MED23: variants seen among roughly 807,000 people sequenced by gnomAD.
MED23 encodes mediator of RNA polymerase II transcription subunit 23.
In MED23, 105 loss-of-function variants were observed where a neutral mutation model predicts 163.9. The ratio of observed to expected loss-of-function variants is 0.64; its 90% CI spans 0.55 to 0.75. The LOEUF is 0.75. Ranked by LOEUF, MED23 falls within the 30% of genes least tolerant of loss-of-function variation. MED23 has a pLI of 0.00. For synonymous variants in MED23, 561 were observed against 565.6 expected, an observed-to-expected ratio of 0.99 and a Z score of 0.12; for missense variants, 1,054 against 1,649.0, an observed-to-expected ratio of 0.64 and a Z score of 6.25.
intron 26 of MED23, among the ~76,000 whole-genome samples, chr6:131,590,744 G>T (rs1160918457): frequency 1.3e-5 from 2 of 150,404 alleles, no homozygotes; most frequent in African/African-American, 4.9e-5. Flanking sequence ...TTCTCCTGCT[G>T]ACTAGCTGGG....
At chr6:131,602,087 A>G in intron 17 of MED23, 131 bp downstream of exon 17, 1 of 965,044 alleles carries the variant, frequency 1.0e-6, no homozygotes, top group Non-Finnish European at 1.6e-6. Flanking sequence ...AATAGTGAAG[A>G]TATCAAAACA....
At position 131,602,293 on chromosome 6, in the gene MED23, T is replaced by C. The variant is rs764009300; in HGVS notation, c.2020A>G (p.Thr674Ala). ...TCTTCAGATTCTGCTGAGAGCACTG[T>C]TTTGGGATCACTAAGGAAGCGTGTA... ...QFTRFLSDPK[T>A]VLSAESEELN... The change falls in exon 17 of 29, where the codon ACA (threonine) becomes GCA (alanine). Residue 674 changes from threonine (T) to alanine (A), a missense_variant. By Grantham distance (58) the Thr-to-Ala change is moderately conservative. Around this residue, in one of 11 missense-constraint regions of MED23, gnomAD observed 228 missense variants for 461.3 expected, o/e 0.49. Coordinates refer to ENST00000368068, the MANE Select transcript of MED23 (RefSeq NM_004830.4). 1.9e-6 allele frequency: 3 copies of C among 1,613,902 alleles called. No homozygotes were observed. In the Admixed American group the frequency reaches 5.0e-5, roughly 27 times the overall value.
downstream of MED23, chr6:131,583,242 T>C (rs972023880): frequency 6.3e-6 from 10 of 1,597,554 alleles, no homozygotes; most frequent in African/African-American, 1.3e-4. Context: ...ATTAATAAAG[T>C]CTTTACATGA....
intron 30 of MED23, among the ~76,000 whole-genome samples, chr6:131,578,772 GAGAGAGAC>G (rs993961860): frequency 2.2e-4 from 34 of 152,108 alleles, no homozygotes; most frequent in Middle Eastern, 3.4e-3. Flanking sequence ...CACATAAGCA[GAGAGAGAC>G]AGAGAGACAG....
intron 24 of MED23, 192 bp downstream of exon 24, chr6:131,592,814 G>A (rs189549997): frequency 2.1e-5 from 14 of 676,538 alleles, no homozygotes; most frequent in South Asian, 7.5e-5. Flanking sequence ...GAACAAACCC[G>A]GATCTTAGGA....
chr6:131,592,879 C>T (rs755339800), intron 24 of MED23, 127 bp downstream of exon 24: 7 of 1,115,860 alleles, frequency 6.3e-6, no homozygotes, highest in African/African-American at 1.6e-5. Flanking sequence ...GATCTGGAAC[C>T]AGAAAACAGT....
chr6:131,592,306 T>C, intron 25 of MED23, 82 bp downstream of exon 25: 1 of 1,186,644 alleles, frequency 8.4e-7, no homozygotes, highest in South Asian at 1.2e-5. Flanking sequence ...AAGGGCATCC[T>C]ATATGCATCT....
At chr6:131,623,524 C>T (rs750715823) in intron 4 of MED23, 62 bp from the exon 5 acceptor site, 9 of 1,307,862 alleles carry the variant, frequency 6.9e-6, no homozygotes, top group South Asian at 2.4e-5. Flanking sequence ...CTCTAATAGC[C>T]GCCAATATGG....
downstream of MED23, chr6:131,583,404 T>G (rs1259059245): frequency 2.5e-6 from 4 of 1,614,158 alleles, no homozygotes; most frequent in Non-Finnish European, 2.5e-6. Context: ...ACTGGACCCA[T>G]CTTTCACACC....
Position 131,620,749 on chromosome 6 carries a change from C to G in MED23, c.496-20G>C, listed in dbSNP as rs1296066878. On this transcript the variant is annotated intron_variant, in intron 6 of 28. Coordinates refer to ENST00000368068, the MANE Select transcript of MED23 (RefSeq NM_004830.4). The stretch of plus-strand genomic sequence containing the variant: ...TATAACCTAAGAAAAACAAAAAGGC[C>G]ACATCATTCTTGACTAGTCCCACAT... 2 of 1,476,798 alleles carry G rather than the reference C, an allele frequency of 1.4e-6. No individual in the cohort carries two copies. The highest frequency in any genetic ancestry group is 1.4e-5 in the African/African-American group (1 of 71,958). The allele number at this position is 1,476,798 out of a possible 1,614,324, so 91.5% of individuals were successfully genotyped here. A position where few individuals can be genotyped will look rare whatever the true frequency, so the allele number is the denominator to read the frequency against.
At chr6:131,611,691 G>C (rs1261286911) in intron 10 of MED23, among the ~76,000 whole-genome samples, 3 of 152,090 alleles carry the variant, frequency 2.0e-5, no homozygotes, top group Non-Finnish European at 1.5e-5. Context: ...AAAGTATACA[G>C]AGTCAGAAAA....
chr6:131,619,047 C>T (rs1049092277), intron 8 of MED23, among the ~76,000 whole-genome samples: 5 of 152,162 alleles, frequency 3.3e-5, no homozygotes, highest in Admixed American at 6.5e-5. Context: ...TAACAAATAT[C>T]GTCACTTGGA....
intron 10 of MED23, among the ~76,000 whole-genome samples, chr6:131,610,474 ATTAAC>A (rs1427888744): frequency 6.6e-6 from 1 of 152,200 alleles, no homozygotes. Flanking sequence ...CAGACTTCCC[ATTAAC>A]TTTTGACTTC....
At chr6:131,610,455 C>T (rs1201886481) in intron 10 of MED23, among the ~76,000 whole-genome samples, 1 of 152,138 alleles carries the variant, frequency 6.6e-6, no homozygotes, top group African/African-American at 2.4e-5. Flanking sequence ...TTTCAGGTTT[C>T]CTACAAAACA....
chr6:131,585,441 G>A (rs929756995), downstream of MED23, among the ~76,000 whole-genome samples: 1 of 152,082 alleles, frequency 6.6e-6, no homozygotes, highest in Non-Finnish European at 1.5e-5. Context: ...TAACTCCTAG[G>A]CCTTTGAAAG....
At chr6:131,583,461 C>A, downstream of MED23, 1 of 1,614,092 alleles carries the variant, frequency 6.2e-7, no homozygotes, top group South Asian at 1.1e-5. Flanking sequence ...CAGAGAAGGT[C>A]TCTACATCAC....
At chr6:131,609,993 A>C (rs986069918) in intron 11 of MED23, 53 bp downstream of exon 11, 4 of 1,544,870 alleles carry the variant, frequency 2.6e-6, no homozygotes, top group Middle Eastern at 1.7e-4. Context: ...CAGCAGTCTA[A>C]AATACAGTAA....
chr6:131,593,258 T>C (rs1774785217), intron 23 of MED23, 87 bp from the exon 24 acceptor site: 1 of 1,527,996 alleles, frequency 6.5e-7, no homozygotes, highest in Non-Finnish European at 9.0e-7. Flanking sequence ...GTGATTTGTC[T>C]ACGCTTAGAG....
At position 131,592,432 on chromosome 6, in the gene MED23, T is replaced by C; in HGVS notation, c.3427A>G (p.Thr1143Ala). 2 of 1,614,056 alleles carry C rather than the reference T, an allele frequency of 1.2e-6. No individual in the cohort carries two copies. Among genetic ancestry groups the C allele is most frequent in the Non-Finnish European group, 1.7e-6 (2 of 1,179,978 alleles). The change falls in exon 25 of 29, where the codon ACA (threonine) becomes GCA (alanine). Residue 1143 changes from threonine (T) to alanine (A), a missense_variant. Around this residue, in one of 11 missense-constraint regions of MED23, gnomAD observed 362 missense variants for 471.6 expected, o/e 0.77. Transcript: ENST00000368068. The stretch of plus-strand genomic sequence containing the variant: ...AAACCAATTGCATTCATCCATGCTG[T>C]AATGTTCTCTCTTGGCACTAAAGGC... ...SQPLVPRENI[T>A]AWMNAIGLII...
Sources: allele counts gnomAD v4.1 joint callset (sites outside exome capture counted in the v4.1 genomes callset), GRCh38; gene constraint gnomAD v4.1.1; regional missense constraint gnomAD v4.1.1; transcripts MANE v1.5; gene names NCBI Gene and HGNC (gene_info 2026-07-23, HGNC 2026-07-21).